Variants in CCDC69 observed in about 807,000 individuals in gnomAD.
The protein encoded by CCDC69 is coiled-coil domain containing 69.
Under a neutral mutation model 40.3 loss-of-function variants are expected in CCDC69, and 38 were observed. The ratio of observed to expected loss-of-function variants is 0.94; its 90% CI spans 0.73 to 1.24. CCDC69 has a LOEUF of 1.24. Ranked by LOEUF, CCDC69 falls within the 50% of genes most tolerant of loss-of-function variation. The pLI, the probability that CCDC69 is intolerant of heterozygous loss-of-function variation, is 0.00. For synonymous variants in CCDC69, 141 were observed against 138.9 expected (o/e 1.02, Z -0.11); for missense variants, 389 against 357.9 (o/e 1.09, Z -0.70).
chr5:151,184,418 C>T lies in CCDC69; in HGVS notation c.639G>A (p.Glu213=), dbSNP rs141048735. 5 of 1,613,766 alleles carry T rather than the reference C, an allele frequency of 3.1e-6. No homozygotes were observed. Among genetic ancestry groups the T allele is most frequent in the Non-Finnish European group, 4.2e-6 (5 of 1,179,684 alleles). ...ETVKEKNLIL[E]EKITTLQQEN... The stretch of plus-strand genomic sequence containing the variant: ...CCTGTTGCAGGGTCGTAATTTTTTC[C>T]TCCAATATCAGATTTTTCTCTTTCT... Residue 213 remains glutamate, a synonymous_variant, in exon 8 of 9, where the codon GAG becomes GAA. Transcript: ENST00000355417.
intron 4 of CCDC69, among the ~76,000 whole-genome samples, chr5:151,193,679 T>C (rs1449172861): frequency 4.6e-5 from 7 of 152,170 alleles, no homozygotes; most frequent in Non-Finnish European, 1.0e-4. Flanking sequence ...AAATCTTTGT[T>C]ACCTGGGGTT....
chr5:151,223,959 T>C lies in CCDC69; in HGVS notation c.12A>G (p.Arg4=). Residue 4 remains arginine, a synonymous_variant, in exon 1 of 9, where the codon AGA becomes AGG. Transcript: ENST00000355417. Reference sequence around the variant, plus strand: ...GTTTGCAGCTGCTCAGCCTGCTGTGTCTGCAGCCCATCCTCCTCCGGGGGC... The same window carrying C: ...GTTTGCAGCTGCTCAGCCTGCTGTGCCTGCAGCCCATCCTCCTCCGGGGGC... The part of the protein sequence containing the change: MGC[R]HSRLSSCKPP... 1 of 1,568,758 alleles carries C rather than the reference T, an allele frequency of 6.4e-7. No individual in the cohort carries two copies. Among genetic ancestry groups the C allele is most frequent in the Non-Finnish European group, 8.6e-7 (1 of 1,162,274 alleles).
intron 1 of CCDC69, among the ~76,000 whole-genome samples, chr5:151,220,107 C>T (rs576731698): frequency 1.4e-4 from 21 of 152,280 alleles, no homozygotes; most frequent in Non-Finnish European, 2.5e-4. Context: ...ACCCTGCCCG[C>T]GTCAACCTTC....
At chr5:151,205,378 C>T (rs1232436957) in intron 2 of CCDC69, 22 bp downstream of exon 2, 5 of 1,600,796 alleles carry the variant, frequency 3.1e-6, no homozygotes, top group East Asian at 2.2e-5. Flanking sequence ...CAGTTGGGGC[C>T]TTTGTGGGGC....
chr5:151,196,019 G>A (rs1582042737), intron 4 of CCDC69, among the ~76,000 whole-genome samples: 1 of 152,172 alleles, frequency 6.6e-6, no homozygotes, highest in South Asian at 2.1e-4. Flanking sequence ...GGAAAGCCAT[G>A]TACTTTACGG....
At chr5:151,199,105 G>A in intron 3 of CCDC69, 21 bp from the exon 4 acceptor site, 2 of 1,594,232 alleles carry the variant, frequency 1.3e-6, no homozygotes, top group Non-Finnish European at 1.7e-6. Flanking sequence ...AGAGTCCCGG[G>A]CAGGACTGAG....
At chr5:151,188,233 G>A (rs1031356106) in intron 4 of CCDC69, among the ~76,000 whole-genome samples, 1 of 152,162 alleles carries the variant, frequency 6.6e-6, no homozygotes, top group Non-Finnish European at 1.5e-5. Context: ...CAATCAACGG[G>A]CAGAATGGGA....
At chr5:151,223,301 T>A (rs1753161090) in intron 1 of CCDC69, among the ~76,000 whole-genome samples, 1 of 152,172 alleles carries the variant, frequency 6.6e-6, no homozygotes, top group South Asian at 2.1e-4. Flanking sequence ...CTCCTCCCTC[T>A]TTGGCCCCTC....
At chr5:151,211,660 A>G (rs1212613094) in intron 1 of CCDC69, among the ~76,000 whole-genome samples, 1 of 151,196 alleles carries the variant, frequency 6.6e-6, no homozygotes, top group Non-Finnish European at 1.5e-5. Flanking sequence ...AGTAGCTGGG[A>G]TTACAGGCAC....
chr5:151,191,517 G>A (rs1752610777), intron 4 of CCDC69, among the ~76,000 whole-genome samples: 1 of 152,172 alleles, frequency 6.6e-6, no homozygotes. Flanking sequence ...TACAAACTAT[G>A]TTCTCTGACT....
At chr5:151,190,945 T>C (rs1027941209) in intron 4 of CCDC69, among the ~76,000 whole-genome samples, 11 of 152,134 alleles carry the variant, frequency 7.2e-5, no homozygotes, top group African/African-American at 2.6e-4. Context: ...ATTAAATGGC[T>C]TAAACATACC....
chr5:151,222,238 C>T (rs541803855), intron 1 of CCDC69, among the ~76,000 whole-genome samples: 17 of 152,344 alleles, frequency 1.1e-4, no homozygotes, highest in Non-Finnish European at 2.1e-4. Context: ...CAGGTAGTAC[C>T]CAAAGGCCCT....
chr5:151,183,131 GC>G lies in CCDC69; in HGVS notation c.*305del, dbSNP rs775657853. The G allele has an allele frequency of 1.1e-5, 6 of 524,332 alleles. No homozygotes were observed. The highest frequency in any genetic ancestry group is 2.4e-5 in the Admixed American group (1 of 42,114). 32.5% of individuals were successfully genotyped at this position (524,332 alleles called of 1,614,324 possible). ...TCAAATGGCCAGCGTGACACAGACT[GC>G]CCCTGGGAAAGCCTCGGAACTTCTC... On this transcript the variant is annotated 3_prime_UTR_variant, in exon 9 of 9. Transcript: ENST00000355417.
intron 1 of CCDC69, among the ~76,000 whole-genome samples, chr5:151,217,492 T>C (rs919727): frequency 0.11 from 17,011 of 152,236 alleles, 994 homozygotes; most frequent in Middle Eastern, 0.15. Flanking sequence ...ACCACGCACT[T>C]GGTGGCTGAA....
chr5:151,182,406 A>G lies in CCDC69; in HGVS notation c.*1031T>C, dbSNP rs1323140906. ...AAAGCCTGGGCCTGGGATCAGGGGCAGTGGGAGGAGGAGTTAAGGCAGGGA... is the reference window on the plus strand; with the variant it reads ...AAAGCCTGGGCCTGGGATCAGGGGCGGTGGGAGGAGGAGTTAAGGCAGGGA... On this transcript the variant is annotated 3_prime_UTR_variant, in exon 9 of 9. Coordinates refer to ENST00000355417, the MANE Select transcript of CCDC69 (RefSeq NM_015621.3). The G allele has an allele frequency of 6.6e-6, 1 of 152,592 alleles. No individual in the cohort carries two copies. The highest frequency in any genetic ancestry group is 1.5e-5 in the Non-Finnish European group (1 of 68,368). The allele number at this position is 152,592 out of a possible 1,614,324, so 9.5% of individuals were successfully genotyped here.
intron 4 of CCDC69, among the ~76,000 whole-genome samples, chr5:151,191,975 C>T (rs1752618867): frequency 6.7e-6 from 1 of 150,032 alleles, no homozygotes; most frequent in Admixed American, 6.7e-5. Flanking sequence ...GTCTCAACTA[C>T]TCAGGAGGCT....
At chr5:151,193,266 C>A (rs1752647106) in intron 4 of CCDC69, among the ~76,000 whole-genome samples, 1 of 147,410 alleles carries the variant, frequency 6.8e-6, no homozygotes, top group East Asian at 2.0e-4. Flanking sequence ...GCAATCCCAG[C>A]ACTTTGGGAG....
At chr5:151,213,353 T>C (rs1752980200) in intron 1 of CCDC69, among the ~76,000 whole-genome samples, 1 of 151,988 alleles carries the variant, frequency 6.6e-6, no homozygotes, top group South Asian at 2.1e-4. Flanking sequence ...TTCACGCCAT[T>C]CTCCTGTCTC....
Position 151,183,612 on chromosome 5 carries a change from TG to T in CCDC69, c.715del (p.Gln239SerfsTer169), listed in dbSNP as rs1232974298. The T allele has an allele frequency of 3.1e-6, 5 of 1,606,516 alleles. No individual in the cohort carries two copies. In the South Asian group the frequency reaches 4.5e-5, roughly 14 times the overall value. ...RSRNQVVLSR[Q>X]LSEDLLLTRE... ...CGTGAGAAGCAGGTCTTCTGACAGCTGCCTGTGGATGCACACAGAGCCCAGG... is the reference window on the plus strand; with the variant it reads ...CGTGAGAAGCAGGTCTTCTGACAGCTCCTGTGGATGCACACAGAGCCCAGG... On this transcript the variant is annotated frameshift_variant and splice_region_variant, in exon 9 of 9. Coordinates refer to ENST00000355417, the MANE Select transcript of CCDC69 (RefSeq NM_015621.3). LOFTEE classifies it high-confidence loss of function.
Sources: allele counts gnomAD v4.1 joint callset (sites outside exome capture counted in the v4.1 genomes callset), GRCh38; gene constraint gnomAD v4.1.1; transcripts MANE v1.5; gene names NCBI Gene and HGNC (gene_info 2026-07-23, HGNC 2026-07-21).